The following TNFAIP8 variants were observed in gnomAD, a reference collection of about 807,000 sequenced individuals.
TNFAIP8 encodes TNF alpha induced protein 8.
Under a neutral mutation model 13.3 loss-of-function variants are expected in TNFAIP8, and 7 were observed. The ratio of observed to expected loss-of-function variants is 0.52; its 90% CI spans 0.30 to 0.99. The LOEUF (loss-of-function observed/expected upper bound fraction) is 0.99, where lower values mean the gene tolerates loss of function less well. Among genes scored for constraint, TNFAIP8 ranks in the 50% least tolerant of loss-of-function variants. TNFAIP8 has a pLI of 0.07. For missense variants in TNFAIP8, 258 were observed against 236.9 expected, an observed-to-expected ratio of 1.09 and a Z score of -0.58; for synonymous variants, 94 against 87.6, an observed-to-expected ratio of 1.07 and a Z score of -0.41.
chr5:119,363,240 T>C (rs1751700444), intron 1 of TNFAIP8, among the ~76,000 whole-genome samples: 1 of 152,190 alleles, frequency 6.6e-6, no homozygotes, highest in African/African-American at 2.4e-5. Context: ...CGTCTTCCTT[T>C]TGGGCCTCAG....
At chr5:119,369,055 C>CTTTTTTTTTTTT (rs61101551) in intron 1 of TNFAIP8, among the ~76,000 whole-genome samples, 1 of 105,018 alleles carries the variant, frequency 9.5e-6, no homozygotes, top group Non-Finnish European at 1.8e-5. Flanking sequence ...CTTTTCTTTT[C>CTTTTTTTTTTTT]TTTTTTTTTT....
chr5:119,316,905 C>T lies in TNFAIP8; in HGVS notation c.1+47998C>T, dbSNP rs182284760. The stretch of plus-strand genomic sequence containing the variant: ...TAGTGGGTAGAAGACAGAGATGCTT[C>T]AAAGCATCCCACAATGCACCCAAAA... On this transcript the variant is annotated intron_variant, in intron 1 of 1. Transcript: ENST00000274456. 6.6e-5 allele frequency among the ~76,000 whole-genome samples: 10 copies of T among 152,188 alleles called. No individual in the cohort carries two copies. The East Asian group carries it at 7.7e-4, about 12-fold the overall frequency.
At chr5:119,336,847 G>C (rs1274233439) in intron 1 of TNFAIP8, among the ~76,000 whole-genome samples, 2 of 152,218 alleles carry the variant, frequency 1.3e-5, no homozygotes, top group Non-Finnish European at 2.9e-5. Flanking sequence ...GTTGAGGAGA[G>C]AATGTGAACT....
intron 1 of TNFAIP8, among the ~76,000 whole-genome samples, chr5:119,274,545 G>T (rs1748382763): frequency 6.6e-6 from 1 of 152,174 alleles, no homozygotes; most frequent in South Asian, 2.1e-4. Context: ...CCAACATCCG[G>T]TGATGACCTC....
chr5:119,321,501 G>T (rs1284427091), intron 1 of TNFAIP8, among the ~76,000 whole-genome samples: 1 of 152,074 alleles, frequency 6.6e-6, no homozygotes, highest in African/African-American at 2.4e-5. Context: ...CTAGAAATAG[G>T]CATCTTGATT....
At chr5:119,302,629 G>A (rs113294684) in intron 1 of TNFAIP8, among the ~76,000 whole-genome samples, 3 of 152,122 alleles carry the variant, frequency 2.0e-5, no homozygotes, top group African/African-American at 4.8e-5. Flanking sequence ...TGGACATTTC[G>A]TGAGCTCATC....
intron 1 of TNFAIP8, among the ~76,000 whole-genome samples, chr5:119,321,760 T>C (rs1750064163): frequency 6.6e-6 from 1 of 152,182 alleles, no homozygotes; most frequent in Non-Finnish European, 1.5e-5. Flanking sequence ...ACTGTCACTC[T>C]CAGACAGTCC....
upstream of TNFAIP8, among the ~76,000 whole-genome samples, chr5:119,352,798 TA>T (rs1751219202): frequency 6.6e-6 from 1 of 150,986 alleles, no homozygotes; most frequent in African/African-American, 2.4e-5. Flanking sequence ...GAGTTGGTGT[TA>T]ATAAACCTTC....
At chr5:119,293,978 A>G (rs1444804365) in intron 1 of TNFAIP8, among the ~76,000 whole-genome samples, 2 of 152,118 alleles carry the variant, frequency 1.3e-5, no homozygotes, top group Non-Finnish European at 2.9e-5. Flanking sequence ...CTTCATTGGA[A>G]CCAAATCCAT....
intron 1 of TNFAIP8, among the ~76,000 whole-genome samples, chr5:119,373,049 C>A (rs932065310): frequency 5.3e-5 from 8 of 152,034 alleles, no homozygotes; most frequent in African/African-American, 1.9e-4. Flanking sequence ...ACCATGCTGA[C>A]CTTGGTAGTA....
chr5:119,374,430 A>G (rs1439999705), intron 1 of TNFAIP8, among the ~76,000 whole-genome samples: 1 of 152,230 alleles, frequency 6.6e-6, no homozygotes, highest in African/African-American at 2.4e-5. Context: ...TGTTCCTCAC[A>G]TAGATACAGC....
intron 1 of TNFAIP8, among the ~76,000 whole-genome samples, chr5:119,298,662 G>A (rs908112972): frequency 0.01 from 1,532 of 151,986 alleles, 15 homozygotes; most frequent in African/African-American, 0.035. Flanking sequence ...CTGCCTTGCT[G>A]GATTGGGGAA....
intron 1 of TNFAIP8, among the ~76,000 whole-genome samples, chr5:119,383,563 T>C (rs1245586670): frequency 2.6e-5 from 4 of 152,256 alleles, no homozygotes; most frequent in Non-Finnish European, 4.4e-5. Flanking sequence ...TGGACACATA[T>C]ACAGTTTATA....
At chr5:119,310,879 C>G (rs897949712) in intron 1 of TNFAIP8, among the ~76,000 whole-genome samples, 2 of 152,090 alleles carry the variant, frequency 1.3e-5, no homozygotes, top group East Asian at 3.9e-4. Flanking sequence ...GGGGTTGGCC[C>G]TTCTCTCCCC....
At chr5:119,322,352 C>T (rs1345705373) in intron 1 of TNFAIP8, among the ~76,000 whole-genome samples, 1 of 152,232 alleles carries the variant, frequency 6.6e-6, no homozygotes, top group East Asian at 1.9e-4. Flanking sequence ...GAGGAGTGGT[C>T]CCAGGACCTT....
intron 1 of TNFAIP8, among the ~76,000 whole-genome samples, chr5:119,281,306 A>ACACTCTCTCT: frequency 8.8e-6 from 1 of 114,212 alleles, no homozygotes; most frequent in Admixed American, 9.4e-5. Flanking sequence ...ACACACACAC[A>ACACTCTCTCT]CTCTCTCTCT....
chr5:119,285,964 G>A (rs1031460086), intron 1 of TNFAIP8, among the ~76,000 whole-genome samples: 28 of 151,988 alleles, frequency 1.8e-4, no homozygotes, highest in African/African-American at 6.5e-4. Flanking sequence ...GAGTACATAC[G>A]CTTTTTTTTT....
intron 1 of TNFAIP8, among the ~76,000 whole-genome samples, chr5:119,270,962 ACTCAC>A (rs1748276823): frequency 6.6e-6 from 1 of 152,048 alleles, no homozygotes; most frequent in East Asian, 1.9e-4. Flanking sequence ...GTGTGTTTAA[ACTCAC>A]CAAGAAAAGT....
At chr5:119,280,337 A>C (rs1318584366) in intron 1 of TNFAIP8, among the ~76,000 whole-genome samples, 1 of 152,168 alleles carries the variant, frequency 6.6e-6, no homozygotes, top group Non-Finnish European at 1.5e-5. Context: ...CCATTAAAAA[A>C]AAAAAAAGAT....
Sources: allele counts gnomAD v4.1 joint callset (sites outside exome capture counted in the v4.1 genomes callset), GRCh38; gene constraint gnomAD v4.1.1; transcripts MANE v1.5; gene names NCBI Gene and HGNC (gene_info 2026-07-23, HGNC 2026-07-21).